SLC24A2: variants seen among roughly 807,000 people sequenced by gnomAD.
SLC24A2 encodes sodium/potassium/calcium exchanger 2.
SLC24A2 carries 36 observed loss-of-function variants against 62.0 expected under a neutral mutation model. That is an observed-to-expected ratio of 0.58 (90% CI 0.44 to 0.77). The LOEUF (loss-of-function observed/expected upper bound fraction) is 0.77. SLC24A2 is among the 30% of genes least tolerant of loss of function. The pLI, the probability that SLC24A2 is intolerant of heterozygous loss-of-function variation, is 0.00. For missense variants in SLC24A2, 846 were observed against 817.9 expected, an observed-to-expected ratio of 1.03 and a Z score of -0.42; for synonymous variants, 358 against 294.0, an observed-to-expected ratio of 1.22 and a Z score of -2.23.
the SLC24A2 span, among the ~76,000 whole-genome samples, chr9:20,170,324 A>T: frequency 6.9e-4 from 105 of 152,030 alleles, 2 homozygotes; most frequent in South Asian, 0.02. Context: ...GAAGGGTAGC[A>T]CTCCCATCAA....
chr9:19,710,869 C>T lies in SLC24A2; in HGVS notation c.930+75068G>A, dbSNP rs190869010. On this transcript the variant is annotated intron_variant, in intron 2 of 10. Coordinates refer to ENST00000341998, the MANE Select transcript of SLC24A2 (RefSeq NM_020344.4). ...GAACACAGGGACAAATGATCCTACC[C>T]TCAAGCCAGTGAAATGGATGACTAT... Among the ~76,000 whole-genome samples, 277 of 152,264 alleles carry T rather than the reference C, an allele frequency of 1.8e-3. 1 individual carries two copies. The highest frequency in any genetic ancestry group is 6.4e-3 in the African/African-American group (265 of 41,548).
At chr9:20,121,021 G>A in the SLC24A2 span, among the ~76,000 whole-genome samples, 1 of 149,066 alleles carries the variant, frequency 6.7e-6, no homozygotes, top group African/African-American at 2.5e-5. Flanking sequence ...TTTAATTACT[G>A]AACTTTTATA....
At chr9:19,846,609 T>C in the SLC24A2 span, among the ~76,000 whole-genome samples, 1 of 152,168 alleles carries the variant, frequency 6.6e-6, no homozygotes. Context: ...TATCGATATG[T>C]GAGGTTTTGA....
the SLC24A2 span, among the ~76,000 whole-genome samples, chr9:20,180,058 G>A: frequency 1.3e-5 from 2 of 152,104 alleles, no homozygotes; most frequent in South Asian, 4.1e-4. Flanking sequence ...GCCATTGCCT[G>A]GCTAAAATCA....
chr9:20,275,280 G>A, the SLC24A2 span, among the ~76,000 whole-genome samples: 2 of 151,844 alleles, frequency 1.3e-5, no homozygotes, highest in Non-Finnish European at 2.9e-5. Context: ...TACCAATGAA[G>A]GACACAGGAA....
chr9:20,301,503 C>G, the SLC24A2 span, among the ~76,000 whole-genome samples: 7 of 151,920 alleles, frequency 4.6e-5, no homozygotes, highest in Non-Finnish European at 1.0e-4. Context: ...TTATTTCCAG[C>G]TTCTTTTCCC....
the SLC24A2 span, among the ~76,000 whole-genome samples, chr9:20,043,155 C>A: frequency 1.3e-5 from 2 of 152,078 alleles, no homozygotes; most frequent in Non-Finnish European, 2.9e-5. Context: ...CTGAGACACG[C>A]CAAAAGCTAG....
chr9:19,576,181 T>C (rs1258791980), intron 6 of SLC24A2, among the ~76,000 whole-genome samples: 1 of 152,240 alleles, frequency 6.6e-6, no homozygotes, highest in African/African-American at 2.4e-5. Flanking sequence ...GAATTTTGTC[T>C]GCAGATAATT....
chr9:19,949,515 T>G, the SLC24A2 span, among the ~76,000 whole-genome samples: 1 of 152,212 alleles, frequency 6.6e-6, no homozygotes, highest in African/African-American at 2.4e-5. Flanking sequence ...GCCTCACCAA[T>G]CTATATTCTT....
At chr9:19,833,865 C>T in the SLC24A2 span, among the ~76,000 whole-genome samples, 1 of 152,224 alleles carries the variant, frequency 6.6e-6, no homozygotes, top group South Asian at 2.1e-4. Flanking sequence ...CCGGGTACTC[C>T]TCTGAGACAA....
At chr9:20,217,039 T>C in the SLC24A2 span, among the ~76,000 whole-genome samples, 1 of 152,158 alleles carries the variant, frequency 6.6e-6, no homozygotes, top group Non-Finnish European at 1.5e-5. Flanking sequence ...AGAAAAATGT[T>C]CATGATACCC....
chr9:19,552,054 T>C (rs1834872499), intron 7 of SLC24A2, among the ~76,000 whole-genome samples: 2 of 152,186 alleles, frequency 1.3e-5, no homozygotes, highest in South Asian at 4.1e-4. Flanking sequence ...ATCAGGAAGT[T>C]GACAGTTTAT....
intron 2 of SLC24A2, among the ~76,000 whole-genome samples, chr9:19,731,241 C>T (rs1046323043): frequency 6.6e-6 from 1 of 152,148 alleles, no homozygotes; most frequent in East Asian, 1.9e-4. Flanking sequence ...TCATAAACTA[C>T]TAGTATAACT....
At chr9:20,276,113 A>T in the SLC24A2 span, among the ~76,000 whole-genome samples, 23 of 152,242 alleles carry the variant, frequency 1.5e-4, no homozygotes, top group Middle Eastern at 3.4e-3. Context: ...CACCTTCCCA[A>T]CAGTCCCCCA....
At chr9:20,166,863 C>T in the SLC24A2 span, among the ~76,000 whole-genome samples, 2 of 151,908 alleles carry the variant, frequency 1.3e-5, no homozygotes, top group African/African-American at 4.8e-5. Context: ...ATAAACTCAA[C>T]TGAATTTATT....
chr9:19,752,841 C>T (rs1822026029), intron 2 of SLC24A2, among the ~76,000 whole-genome samples: 2 of 152,140 alleles, frequency 1.3e-5, no homozygotes, highest in South Asian at 4.2e-4. Flanking sequence ...GTGACTTCCC[C>T]AAAGTGGTAT....
At chr9:19,605,068 G>A (rs1836946346) in intron 4 of SLC24A2, among the ~76,000 whole-genome samples, 1 of 152,196 alleles carries the variant, frequency 6.6e-6, no homozygotes. Flanking sequence ...AAGGGTGGAA[G>A]ATTAAGATAT....
At chr9:19,856,822 C>A in the SLC24A2 span, among the ~76,000 whole-genome samples, 4 of 152,298 alleles carry the variant, frequency 2.6e-5, no homozygotes, top group East Asian at 3.9e-4. Flanking sequence ...CATGGTGGAT[C>A]GGTTGCGCTG....
intron 5 of SLC24A2, among the ~76,000 whole-genome samples, chr9:19,583,582 G>A (rs948346980): frequency 6.6e-6 from 1 of 152,136 alleles, no homozygotes; most frequent in African/African-American, 2.4e-5. Flanking sequence ...AGTAGATGAG[G>A]TTATGACTCT....
Sources: allele counts gnomAD v4.1 joint callset (sites outside exome capture counted in the v4.1 genomes callset), GRCh38; gene constraint gnomAD v4.1.1; transcripts MANE v1.5; gene names NCBI Gene and HGNC (gene_info 2026-07-23, HGNC 2026-07-21).